Variants in GJC2 observed in about 807,000 individuals in gnomAD.
The protein encoded by GJC2 is gap junction protein gamma 2, also known as gap junction gamma-2 protein.
For missense variants in GJC2, 647 were observed against 648.9 expected (o/e 1.00, Z 0.03); for synonymous variants, 336 against 307.5 (o/e 1.09, Z -0.97).
intron 1 of GJC2, among the ~76,000 whole-genome samples, chr1:228,156,462 GGTAT>G (rs1558118976): frequency 2.6e-5 from 4 of 152,224 alleles, no homozygotes; most frequent in African/African-American, 7.2e-5. Flanking sequence ...TGAATCTGTG[GGTAT>G]GTATCTGAGT....
chr1:228,155,326 G>A (rs2034665753), intron 1 of GJC2, among the ~76,000 whole-genome samples: 1 of 152,210 alleles, frequency 6.6e-6, no homozygotes, highest in Non-Finnish European at 1.5e-5. Flanking sequence ...CTGGCACTAA[G>A]GCAGGTGAGG....
At position 228,152,103 on chromosome 1, in the gene GJC2, T is replaced by C. The variant is rs74505122; in HGVS notation, c.-20+2096T>C. Reference sequence around the variant, plus strand: ...AGGAGGGGACTGTGCCTGCAGGAGCTCCAGGGAAGTGGGACTGGGAATCTG... The same window carrying C: ...AGGAGGGGACTGTGCCTGCAGGAGCCCCAGGGAAGTGGGACTGGGAATCTG... On this transcript the variant is annotated intron_variant, in intron 1 of 1. Coordinates refer to ENST00000366714, the MANE Select transcript of GJC2 (RefSeq NM_020435.4). The surrounding 1 kb of genome is among the most constrained non-coding windows in gnomAD (Gnocchi z 7.3). Among the ~76,000 whole-genome samples, 1,189 of 152,104 alleles carry C rather than the reference T, an allele frequency of 7.8e-3. 11 individuals carry two copies. Among genetic ancestry groups the C allele is most frequent in the African/African-American group, 0.024 (1,007 of 41,490 alleles).
Position 228,158,700 on chromosome 1 carries a change from G to A in GJC2, c.942G>A (p.Arg314=). Reference sequence around the variant, plus strand: ...CCTCCGCCCCCGCCCCCGCGCCGCGGCCCCCGCCCTGCGCCTTCCCTGCGG... The same window carrying A: ...CCTCCGCCCCCGCCCCCGCGCCGCGACCCCCGCCCTGCGCCTTCCCTGCGG... The part of the protein sequence containing the change: ...PPASAPAPAP[R]PPPCAFPAAA... The change falls in exon 2 of 2, where the codon CGG becomes CGA. Residue 314 remains arginine, a synonymous_variant. Transcript: ENST00000366714. The surrounding 1 kb of genome is among the most constrained non-coding windows in gnomAD (Gnocchi z 8.3). The A allele has an allele frequency of 2.7e-6, 3 of 1,121,812 alleles. No homozygotes were observed. Among genetic ancestry groups the A allele is most frequent in the South Asian group, 2.7e-5 (1 of 36,796 alleles). The allele number at this position is 1,121,812 out of a possible 1,614,324, so 69.5% of individuals were successfully genotyped here.
At position 228,159,235 on chromosome 1, in the gene GJC2, G is replaced by C. The variant is rs45491398; in HGVS notation, c.*157G>C. On this transcript the variant is annotated 3_prime_UTR_variant, in exon 2 of 2. Transcript: ENST00000366714. This position sits in a 1 kb window ranked among gnomAD's most constrained non-coding sequence, Gnocchi z 4.0. ...GCTGCTCAGGGAAGGGGCTGAAAGCGGCAGAGGAGTGCCCTGGCTTGGTCA... is the reference window on the plus strand; with the variant it reads ...GCTGCTCAGGGAAGGGGCTGAAAGCCGCAGAGGAGTGCCCTGGCTTGGTCA... 1.1e-6 allele frequency: 1 copy of C among 873,522 alleles called. No homozygotes were observed. Among genetic ancestry groups the C allele is most frequent in the Non-Finnish European group, 1.8e-6 (1 of 567,032 alleles). 54.1% of individuals were successfully genotyped at this position (873,522 alleles called of 1,614,324 possible). A position where few individuals can be genotyped will look rare whatever the true frequency, so the allele number is the denominator to read the frequency against.
In GJC2 at chr1:228,155,691, G is replaced by A. The variant is rs577666022; in HGVS notation, c.-19-2049G>A. ...CCATTCCCAGGACCACTATGTGGGT[G>A]CAAGTGACACAGGCCCCCAGAGCTA... On this transcript the variant is annotated intron_variant, in intron 1 of 1. Coordinates refer to ENST00000366714, the MANE Select transcript of GJC2 (RefSeq NM_020435.4). Among the ~76,000 whole-genome samples the A allele has an allele frequency of 3.5e-5, 5 of 141,732 alleles. No individual in the cohort carries two copies. In the East Asian group the frequency reaches 9.7e-4, roughly 27 times the overall value. The allele number at this position is 141,732 out of a possible 152,430, so 93.0% of individuals were successfully genotyped here.
At chr1:228,153,421 C>G (rs894263780) in intron 1 of GJC2, among the ~76,000 whole-genome samples, 9 of 150,452 alleles carry the variant, frequency 6.0e-5, no homozygotes, top group Admixed American at 3.3e-4. Flanking sequence ...GGGTCTGGCT[C>G]TGTCACCCAG....
rs1272843453 is a variant in GJC2, at chr1:228,150,653, G to T, written c.-20+646G>T. Among the ~76,000 whole-genome samples, 2 of 151,962 alleles carry T rather than the reference G, an allele frequency of 1.3e-5. No homozygotes were observed. Among genetic ancestry groups the T allele is most frequent in the African/African-American group, 4.8e-5 (2 of 41,284 alleles). The stretch of plus-strand genomic sequence containing the variant: ...CAGGCCCTCAGTGCAAGGAAGGGGC[G>T]GCGTGGCTGAGGAGGGGGAGGCCCA... On this transcript the variant is annotated intron_variant, in intron 1 of 1. Coordinates refer to ENST00000366714, the MANE Select transcript of GJC2 (RefSeq NM_020435.4). This position sits in a 1 kb window ranked among gnomAD's most constrained non-coding sequence, Gnocchi z 4.6.
At position 228,152,753 on chromosome 1, in the gene GJC2, G is replaced by A. The variant is rs889191244; in HGVS notation, c.-20+2746G>A. Among the ~76,000 whole-genome samples the A allele has an allele frequency of 2.6e-5, 4 of 151,586 alleles. No individual in the cohort carries two copies. The highest frequency in any genetic ancestry group is 1.9e-4 in the East Asian group (1 of 5,148). Reference sequence around the variant, plus strand: ...CAGTATGAGAACCCTGTGAGTCCCCGGCCCTCCACCAATGCCCACATCCTC... The same window carrying A: ...CAGTATGAGAACCCTGTGAGTCCCCAGCCCTCCACCAATGCCCACATCCTC... On this transcript the variant is annotated intron_variant, in intron 1 of 1. Transcript: ENST00000366714. This position sits in a 1 kb window ranked among gnomAD's most constrained non-coding sequence, Gnocchi z 7.3.
At chr1:228,153,072 T>C (rs1015368202) in intron 1 of GJC2, among the ~76,000 whole-genome samples, 5 of 151,544 alleles carry the variant, frequency 3.3e-5, no homozygotes, top group African/African-American at 1.2e-4. Flanking sequence ...CGGGCCTGGC[T>C]CCCTGGGGGC....
Position 228,150,533 on chromosome 1 carries a change from G to T in GJC2, c.-20+526G>T, listed in dbSNP as rs76957470. 6.6e-6 allele frequency among the ~76,000 whole-genome samples: 1 copy of T among 152,338 alleles called. No homozygotes were observed. Among genetic ancestry groups the T allele is most frequent in the African/African-American group, 2.4e-5 (1 of 41,572 alleles). The stretch of plus-strand genomic sequence containing the variant: ...AAGTTTGCACTGGGGCCCAGCCTAG[G>T]TCTGAAGCCCAGCAGACCCTGTGGT... On this transcript the variant is annotated intron_variant, in intron 1 of 1. Transcript: ENST00000366714. The surrounding 1 kb of genome is among the most constrained non-coding windows in gnomAD (Gnocchi z 4.6).
rs960040322 is a variant in GJC2 at position 228,152,745 on chromosome 1, G to T, written c.-20+2738G>T. On this transcript the variant is annotated intron_variant, in intron 1 of 1. Coordinates refer to ENST00000366714, the MANE Select transcript of GJC2 (RefSeq NM_020435.4). This position sits in a 1 kb window ranked among gnomAD's most constrained non-coding sequence, Gnocchi z 7.3. ...CTGGTCCCCAGTATGAGAACCCTGT[G>T]AGTCCCCGGCCCTCCACCAATGCCC... Among the ~76,000 whole-genome samples, 8 of 151,784 alleles carry T rather than the reference G, an allele frequency of 5.3e-5. No individual in the cohort carries two copies. The highest frequency in any genetic ancestry group is 1.9e-4 in the African/African-American group (8 of 41,280).
At position 228,151,953 on chromosome 1, in the gene GJC2, C is replaced by G. The variant is rs1417286136; in HGVS notation, c.-20+1946C>G. On this transcript the variant is annotated intron_variant, in intron 1 of 1. Coordinates refer to ENST00000366714, the MANE Select transcript of GJC2 (RefSeq NM_020435.4). This position sits in a 1 kb window ranked among gnomAD's most constrained non-coding sequence, Gnocchi z 5.4. ...CACCACAGAGCTGAGCTCTGGGCAT[C>G]AGGGTAGGGGGCTACGGCCTGTCAG... Among the ~76,000 whole-genome samples, 1 of 152,144 alleles carries G rather than the reference C, an allele frequency of 6.6e-6. No homozygotes were observed. The highest frequency in any genetic ancestry group is 1.5e-5 in the Non-Finnish European group (1 of 68,004).
Position 228,158,477 on chromosome 1 carries a change from G to T in GJC2, c.719G>T (p.Arg240Leu). The T allele has an allele frequency of 6.2e-7, 1 of 1,612,072 alleles. No individual in the cohort carries two copies. Among genetic ancestry groups the T allele is most frequent in the South Asian group, 1.1e-5 (1 of 91,074 alleles). ...GQYLLYGFEV[R>L]PFFPCSRQPC... ...TACCTGCTGTACGGCTTCGAGGTGC[G>T]ACCGTTCTTTCCCTGCAGCCGCCAG... The change falls in exon 2 of 2, where the codon CGA (arginine) becomes CTA (leucine). Residue 240 changes from arginine to leucine, a missense_variant. Transcript: ENST00000366714. This position sits in a 1 kb window ranked among gnomAD's most constrained non-coding sequence, Gnocchi z 8.3.
At chr1:228,154,551 C>T (rs2034658067) in intron 1 of GJC2, among the ~76,000 whole-genome samples, 1 of 152,198 alleles carries the variant, frequency 6.6e-6, no homozygotes, top group Non-Finnish European at 1.5e-5. Context: ...GCCAGGTTAC[C>T]AGGTGCAGCC....
chr1:228,158,268 G>A lies in GJC2; in HGVS notation c.510G>A (p.Glu170=), dbSNP rs1319661137. 6.6e-6 allele frequency: 10 copies of A among 1,523,548 alleles called. No individual in the cohort carries two copies. Among genetic ancestry groups the A allele is most frequent in the Non-Finnish European group, 7.9e-6 (9 of 1,138,048 alleles). 94.4% of individuals were successfully genotyped at this position (1,523,548 alleles called of 1,614,324 possible). A position where few individuals can be genotyped will look rare whatever the true frequency, so the allele number is the denominator to read the frequency against. ...CCGAGGGCGCCGGCGAGGAAGCGGA[G>A]GAGGCAGGCGCGGAGGAGGCGTGCA... ...GAAEGAGEEA[E]EAGAEEACTK... The change falls in exon 2 of 2, where the codon GAG becomes GAA. Residue 170 remains glutamate, a synonymous_variant. Coordinates refer to ENST00000366714, the MANE Select transcript of GJC2 (RefSeq NM_020435.4). This position sits in a 1 kb window ranked among gnomAD's most constrained non-coding sequence, Gnocchi z 8.3.
chr1:228,156,553 A>T (rs1267522627), intron 1 of GJC2, among the ~76,000 whole-genome samples: 1 of 152,138 alleles, frequency 6.6e-6, no homozygotes, highest in Non-Finnish European at 1.5e-5. Flanking sequence ...TTCCCCAGGA[A>T]CCCTGACTGC....
chr1:228,153,720 C>T (rs923374759), intron 1 of GJC2, among the ~76,000 whole-genome samples: 9 of 150,298 alleles, frequency 6.0e-5, no homozygotes, highest in Non-Finnish European at 1.3e-4. Context: ...GTAGCTGGGA[C>T]TACAGGCACG....
chr1:228,158,299 G>A lies in GJC2; in HGVS notation c.541G>A (p.Ala181Thr). Residue 181 changes from alanine (A) to threonine (T), a missense_variant, in exon 2 of 2, where the codon GCG becomes ACG. Ala to Thr is a moderately conservative substitution (Grantham distance 58, BLOSUM62 0). Coordinates refer to ENST00000366714, the MANE Select transcript of GJC2 (RefSeq NM_020435.4). This position sits in a 1 kb window ranked among gnomAD's most constrained non-coding sequence, Gnocchi z 8.3. ...AGGCGCGGAGGAGGCGTGCACTAAG[G>A]CGGTCGGCGCTGACGGCAAGGCGGC... ...EAGAEEACTK[A>T]VGADGKAAGT... 3.9e-6 allele frequency: 6 copies of A among 1,540,772 alleles called. No homozygotes were observed. The highest frequency in any genetic ancestry group is 3.5e-6 in the Non-Finnish European group (4 of 1,145,890).
In GJC2 at chr1:228,153,585, T is replaced by C. The variant is rs575864001; in HGVS notation, c.-20+3578T>C. On this transcript the variant is annotated intron_variant, in intron 1 of 1. Transcript: ENST00000366714. ...TTAAGACCCCATTTCTCTTTTCTTT[T>C]TTTTTTTTTTTTTTTTGAGACAGCG... is the stretch of plus-strand genomic sequence containing the variant. Among the ~76,000 whole-genome samples the C allele has an allele frequency of 1.1e-3, 150 of 137,272 alleles. 3 individuals carry two copies. The highest frequency in any genetic ancestry group is 3.4e-3 in the African/African-American group (131 of 38,756). The allele number at this position is 137,272 out of a possible 152,430, so 90.1% of individuals were successfully genotyped here.
Sources: allele counts gnomAD v4.1 joint callset (sites outside exome capture counted in the v4.1 genomes callset), GRCh38; gene constraint gnomAD v4.1.1; non-coding constraint Gnocchi (gnomAD v3.1); transcripts MANE v1.5; gene names NCBI Gene and HGNC (gene_info 2026-07-23, HGNC 2026-07-21).